The following KCTD16 variants were observed in gnomAD, a reference collection of about 807,000 sequenced individuals.
KCTD16 encodes BTB/POZ domain-containing protein KCTD16.
Under a neutral mutation model 33.2 loss-of-function variants are expected in KCTD16, and 13 were observed. The observed-to-expected ratio is 0.39, with a 90% CI of 0.25 to 0.62. The LOEUF is 0.62. KCTD16 is among the 20% of genes least tolerant of loss of function. The pLI, the probability that KCTD16 is intolerant of heterozygous loss-of-function variation, is 0.50. For synonymous variants in KCTD16, 197 were observed against 195.3 expected (o/e 1.01, Z -0.07); for missense variants, 441 against 525.1 (o/e 0.84, Z 1.57).
intron 3 of KCTD16, among the ~76,000 whole-genome samples, chr5:144,369,834 GA>G (rs1481933976): frequency 1.6e-4 from 25 of 152,184 alleles, no homozygotes; most frequent in African/African-American, 6.0e-4. Flanking sequence ...ATTCATGGGT[GA>G]ACATATAATT....
intron 3 of KCTD16, among the ~76,000 whole-genome samples, chr5:144,229,270 A>G (rs1047882707): frequency 6.6e-6 from 1 of 152,188 alleles, no homozygotes; most frequent in Non-Finnish European, 1.5e-5. Context: ...CAGTGAAGAC[A>G]TGAAGGAGAG....
At chr5:144,277,220 C>G (rs1199057758) in intron 3 of KCTD16, among the ~76,000 whole-genome samples, 1 of 152,072 alleles carries the variant, frequency 6.6e-6, no homozygotes, top group Non-Finnish European at 1.5e-5. Context: ...TTTTTGGTGA[C>G]CCTCCTAGTC....
At chr5:144,254,786 T>A (rs908403564) in intron 3 of KCTD16, among the ~76,000 whole-genome samples, 3 of 151,848 alleles carry the variant, frequency 2.0e-5, no homozygotes, top group African/African-American at 7.3e-5. Context: ...CTTTTTTTTT[T>A]AATCACTCTG....
intron 3 of KCTD16, among the ~76,000 whole-genome samples, chr5:144,375,096 A>G (rs1752060556): frequency 1.3e-5 from 2 of 152,210 alleles, no homozygotes; most frequent in African/African-American, 4.8e-5. Context: ...TGAACGAGCC[A>G]TGGTCTGCAT....
At chr5:144,194,781 C>G (rs1752910685) in intron 2 of KCTD16, among the ~76,000 whole-genome samples, 1 of 152,144 alleles carries the variant, frequency 6.6e-6, no homozygotes, top group Non-Finnish European at 1.5e-5. Flanking sequence ...GACCCCAGGA[C>G]TCTCTGATCC....
chr5:144,219,677 C>T (rs891053121), intron 3 of KCTD16, among the ~76,000 whole-genome samples: 3 of 151,928 alleles, frequency 2.0e-5, no homozygotes, highest in African/African-American at 7.3e-5. Context: ...TCCAACACTG[C>T]GCCTGGCTAA....
At chr5:144,464,236 T>C (rs1268668721) in intron 3 of KCTD16, among the ~76,000 whole-genome samples, 1 of 152,242 alleles carries the variant, frequency 6.6e-6, no homozygotes, top group Non-Finnish European at 1.5e-5. Flanking sequence ...CAAGCACTAA[T>C]CTTGAAGTTG....
intron 3 of KCTD16, among the ~76,000 whole-genome samples, chr5:144,322,934 T>A (rs944956337): frequency 6.6e-6 from 1 of 152,252 alleles, no homozygotes; most frequent in Admixed American, 6.6e-5. Context: ...TGGAGAATTT[T>A]AAACTGACAC....
chr5:144,269,829 C>T (rs954110709), intron 3 of KCTD16, among the ~76,000 whole-genome samples: 1 of 151,846 alleles, frequency 6.6e-6, no homozygotes, highest in African/African-American at 2.4e-5. Context: ...AATTTTGTGA[C>T]CTCAGCAATT....
At chr5:144,463,919 T>G (rs1754259969) in intron 3 of KCTD16, among the ~76,000 whole-genome samples, 1 of 152,244 alleles carries the variant, frequency 6.6e-6, no homozygotes, top group African/African-American at 2.4e-5. Context: ...GCTCAATCTG[T>G]GCTCCATTTA....
At chr5:144,394,421 G>A (rs1561591475) in intron 3 of KCTD16, among the ~76,000 whole-genome samples, 3 of 152,092 alleles carry the variant, frequency 2.0e-5, no homozygotes, top group Non-Finnish European at 2.9e-5. Flanking sequence ...AGAGATAAGT[G>A]GTATTGGCAA....
At chr5:144,257,723 G>A (rs535215020) in intron 3 of KCTD16, among the ~76,000 whole-genome samples, 7 of 152,182 alleles carry the variant, frequency 4.6e-5, no homozygotes, top group Admixed American at 2.6e-4. Context: ...TCCTGACCTC[G>A]TGATCCGCCT....
intron 2 of KCTD16, among the ~76,000 whole-genome samples, chr5:144,204,813 G>T (rs1014234845): frequency 6.6e-6 from 1 of 151,970 alleles, no homozygotes; most frequent in Admixed American, 6.6e-5. Flanking sequence ...GGTTGTGGTG[G>T]CAGGCGGATG....
chr5:144,461,351 C>T (rs1374959782), intron 3 of KCTD16, among the ~76,000 whole-genome samples: 3 of 152,130 alleles, frequency 2.0e-5, no homozygotes, highest in Non-Finnish European at 4.4e-5. Flanking sequence ...CAGCCTCTTT[C>T]CCTTCCCAGG....
chr5:144,399,090 A>G (rs748667212), intron 3 of KCTD16, among the ~76,000 whole-genome samples: 17 of 152,184 alleles, frequency 1.1e-4, no homozygotes, highest in African/African-American at 4.1e-4. Context: ...CTGAACTCCT[A>G]CTATCTATGA....
chr5:144,442,203 G>T (rs1230697627), intron 3 of KCTD16, among the ~76,000 whole-genome samples: 1 of 152,102 alleles, frequency 6.6e-6, no homozygotes, highest in East Asian at 1.9e-4. Flanking sequence ...TATTTTGTCA[G>T]AAGTAGTGTT....
At chr5:144,293,475 G>A (rs1165709135) in intron 3 of KCTD16, among the ~76,000 whole-genome samples, 4 of 152,020 alleles carry the variant, frequency 2.6e-5, no homozygotes, top group Non-Finnish European at 4.4e-5. Flanking sequence ...TAAAGGGTTT[G>A]TTCTTATAAA....
chr5:144,456,262 A>C (rs1754060362), intron 3 of KCTD16, among the ~76,000 whole-genome samples: 1 of 152,154 alleles, frequency 6.6e-6, no homozygotes, highest in Admixed American at 6.6e-5. Flanking sequence ...TAGAATGAGA[A>C]TAGTGTACTG....
rs145042084 is a variant in KCTD16, at chr5:144,295,721, A to T, written c.832+88175A>T. Among the ~76,000 whole-genome samples the T allele has an allele frequency of 3.6e-3, 542 of 152,328 alleles. 2 individuals are homozygous for T. The highest frequency in any genetic ancestry group is 5.2e-3 in the Non-Finnish European group (352 of 68,032). ...AAGGGTACAGACTTCTAGATAGGGA[A>T]ATTATTCCAGATTATCCAAATGGGC... On this transcript the variant is annotated intron_variant, in intron 3 of 3. Transcript: ENST00000512467.
Sources: gnomAD v4.1 joint callset for allele counts (sites outside exome capture counted in the v4.1 genomes callset) on GRCh38, gnomAD v4.1.1 for gene constraint, MANE v1.5 for transcripts, NCBI Gene and HGNC (gene_info 2026-07-23, HGNC 2026-07-21) for gene names.